Variants in PCSK5 observed in about 807,000 individuals in gnomAD.
PCSK5 encodes the protein prohormone convertase 5.
PCSK5 carries 129 observed loss-of-function variants against 233.2 expected under a neutral mutation model. That is an observed-to-expected ratio of 0.55 (90% confidence interval 0.48 to 0.64). PCSK5 has a LOEUF of 0.64. Among genes scored for constraint, PCSK5 ranks in the 30% least tolerant of loss-of-function variants. The pLI is 0.00. For missense variants in PCSK5, 2,076 were observed against 2,430.1 expected, an observed-to-expected ratio of 0.85 and a Z score of 3.06; for synonymous variants, 825 against 879.2, an observed-to-expected ratio of 0.94 and a Z score of 1.09.
chr9:75,965,464 C>T (rs1825542237), intron 2 of PCSK5, among the ~76,000 whole-genome samples: 1 of 152,176 alleles, frequency 6.6e-6, no homozygotes, highest in Non-Finnish European at 1.5e-5. Flanking sequence ...TGATGGAAAT[C>T]CCAGCCCTAG....
At chr9:76,114,326 G>A (rs1056666280) in intron 9 of PCSK5, among the ~76,000 whole-genome samples, 6 of 152,070 alleles carry the variant, frequency 3.9e-5, no homozygotes, top group Non-Finnish European at 4.4e-5. Flanking sequence ...CAGTTACCAC[G>A]GGCCTTCTGC....
chr9:76,271,122 C>G (rs1827498537), intron 24 of PCSK5, among the ~76,000 whole-genome samples: 1 of 152,126 alleles, frequency 6.6e-6, no homozygotes, highest in Non-Finnish European at 1.5e-5. Flanking sequence ...TCATTCCTCC[C>G]CCTTTCCTTG....
chr9:76,065,823 C>T (rs1041658770), intron 5 of PCSK5, among the ~76,000 whole-genome samples: 3 of 151,222 alleles, frequency 2.0e-5, no homozygotes, highest in African/African-American at 7.3e-5. Flanking sequence ...ATATAGGGTG[C>T]GAGGTGGATG....
At chr9:76,133,657 C>T (rs750845611) in intron 9 of PCSK5, among the ~76,000 whole-genome samples, 3 of 151,988 alleles carry the variant, frequency 2.0e-5, no homozygotes, top group African/African-American at 4.8e-5. Flanking sequence ...AACATTGCTA[C>T]GTTCTTCTGG....
At chr9:76,227,419 C>G (rs1825928854) in intron 20 of PCSK5, 84 bp from the exon 21 acceptor site, 1 of 924,050 alleles carries the variant, frequency 1.1e-6, no homozygotes, top group African/African-American at 1.6e-5. Context: ...CAGGCAGCCA[C>G]AGAGATCTGG....
At chr9:75,963,500 C>T (rs904599550) in intron 2 of PCSK5, among the ~76,000 whole-genome samples, 4 of 152,210 alleles carry the variant, frequency 2.6e-5, no homozygotes, top group African/African-American at 9.6e-5. Context: ...TTTTAGCCAA[C>T]TTAAAGAGGT....
At chr9:76,149,787 T>G (rs563804886) in intron 10 of PCSK5, among the ~76,000 whole-genome samples, 1 of 152,342 alleles carries the variant, frequency 6.6e-6, no homozygotes. Context: ...TTCCTACTCC[T>G]GTTCAGGAAA....
Position 76,272,866 on chromosome 9 carries a change from T to C in PCSK5, c.3143-19367T>C, listed in dbSNP as rs561694654. ...TCATTGATCTTCAGCCACTGATCTG[T>C]CCAGCCTTTCCTCTCCTGCCTCTTC... is the stretch of plus-strand genomic sequence containing the variant. On this transcript the variant is annotated intron_variant, in intron 24 of 37. Coordinates refer to ENST00000674117, the MANE Select transcript of PCSK5 (RefSeq NM_001372043.1). Among the ~76,000 whole-genome samples the C allele has an allele frequency of 3.8e-4, 58 of 150,996 alleles. 2 individuals are homozygous for C. In the South Asian group the frequency reaches 0.012, roughly 31 times the overall value.
chr9:76,043,824 A>G (rs1829242991), intron 5 of PCSK5, among the ~76,000 whole-genome samples: 1 of 152,106 alleles, frequency 6.6e-6, no homozygotes, highest in Non-Finnish European at 1.5e-5. Flanking sequence ...CACCGGTCTC[A>G]TTCTCCCAAA....
At chr9:75,928,852 C>T (rs1564088348) in intron 1 of PCSK5, among the ~76,000 whole-genome samples, 2 of 151,618 alleles carry the variant, frequency 1.3e-5, no homozygotes, top group Non-Finnish European at 2.9e-5. Context: ...TGTGATAATT[C>T]TTTGATACTC....
At chr9:76,019,846 T>G (rs1173305951) in intron 3 of PCSK5, among the ~76,000 whole-genome samples, 1 of 152,242 alleles carries the variant, frequency 6.6e-6, no homozygotes, top group Non-Finnish European at 1.5e-5. Context: ...AGTGGAGACC[T>G]TGTGATATTG....
intron 24 of PCSK5, chr9:76,287,932 C>T: frequency 5.8e-6 from 1 of 172,062 alleles, no homozygotes; most frequent in Non-Finnish European, 1.3e-5. Flanking sequence ...TTGTGAATGG[C>T]CTGGCACAGA....
intron 1 of PCSK5, among the ~76,000 whole-genome samples, chr9:75,924,366 A>AG (rs368742079): frequency 1.3e-5 from 2 of 152,176 alleles, no homozygotes; most frequent in East Asian, 3.9e-4. Flanking sequence ...CTAAAAAAAA[A>AG]TAGCTTTTTT....
intron 1 of PCSK5, among the ~76,000 whole-genome samples, chr9:75,924,786 G>A (rs2131264290): frequency 6.6e-6 from 1 of 152,254 alleles, no homozygotes; most frequent in South Asian, 2.1e-4. Flanking sequence ...GTAGTTTTAA[G>A]TTCATCCTTA....
chr9:75,965,701 A>C lies in PCSK5; in HGVS notation c.298-20431A>C, dbSNP rs1236475400. Among the ~76,000 whole-genome samples, 30 of 152,210 alleles carry C rather than the reference A, an allele frequency of 2.0e-4. 1 individual carries two copies. Among genetic ancestry groups the C allele is most frequent in the Admixed American group, 2.0e-3 (30 of 15,280 alleles). The stretch of plus-strand genomic sequence containing the variant: ...ATTTAATCCGGGCACCCTGTGGCCT[A>C]GTCAAGTGGGCACATAAAATTAATT... On this transcript the variant is annotated intron_variant, in intron 2 of 37. Transcript: ENST00000674117.
At chr9:75,943,386 A>G (rs1563927901) in intron 2 of PCSK5, among the ~76,000 whole-genome samples, 1 of 152,208 alleles carries the variant, frequency 6.6e-6, no homozygotes, top group Non-Finnish European at 1.5e-5. Flanking sequence ...ACAAAAACCC[A>G]GCAACAACAA....
At chr9:76,129,566 G>C (rs1000553337) in intron 9 of PCSK5, among the ~76,000 whole-genome samples, 16 of 152,048 alleles carry the variant, frequency 1.1e-4, no homozygotes, top group African/African-American at 3.9e-4. Context: ...CGGGAGGTTG[G>C]TTATTTTTTT....
intron 1 of PCSK5, among the ~76,000 whole-genome samples, chr9:75,895,154 C>T (rs573748066): frequency 1.3e-5 from 2 of 152,114 alleles, no homozygotes; most frequent in South Asian, 4.2e-4. Context: ...TTACCTAGAG[C>T]CCCCCCATTG....
chr9:76,078,525 G>T (rs1830718936), intron 7 of PCSK5, among the ~76,000 whole-genome samples: 1 of 152,092 alleles, frequency 6.6e-6, no homozygotes, highest in Non-Finnish European at 1.5e-5. Flanking sequence ...ACTATTTATT[G>T]AATAGGGAGT....
Sources: gnomAD v4.1 joint callset for allele counts (sites outside exome capture counted in the v4.1 genomes callset) on GRCh38, gnomAD v4.1.1 for gene constraint, MANE v1.5 for transcripts, NCBI Gene and HGNC (gene_info 2026-07-23, HGNC 2026-07-21) for gene names.